Variants in ROBO2 observed in about 807,000 individuals in gnomAD.
ROBO2 encodes the protein roundabout guidance receptor 2, also known as roundabout homolog 2.
ROBO2 carries 53 observed loss-of-function variants against 160.8 expected under a neutral mutation model. The observed-to-expected ratio is 0.33, with a 90% confidence interval of 0.26 to 0.41. The LOEUF (loss-of-function observed/expected upper bound fraction) is 0.41, where lower values mean the gene tolerates loss of function less well. Ranked by LOEUF, ROBO2 falls within the 10% of genes least tolerant of loss-of-function variation. The pLI, the probability that ROBO2 is intolerant of heterozygous loss-of-function variation, is 1.00. For synonymous variants in ROBO2, 664 were observed against 611.7 expected (o/e 1.09, Z -1.26); for missense variants, 1,577 against 1,722.4 (o/e 0.92, Z 1.49).
chr3:76,585,438 A>T (rs942464994), intron 2 of ROBO2, among the ~76,000 whole-genome samples: 1 of 152,182 alleles, frequency 6.6e-6, no homozygotes, highest in Non-Finnish European at 1.5e-5. Context: ...TTTAGCCAGA[A>T]ACAGAATCAC....
At chr3:77,380,047 C>G (rs570244348) in intron 2 of ROBO2, among the ~76,000 whole-genome samples, 15 of 152,322 alleles carry the variant, frequency 9.8e-5, no homozygotes, top group Middle Eastern at 3.4e-3. Context: ...ACTTCTAAAG[C>G]ACTCTTTCTG....
intron 1 of ROBO2, among the ~76,000 whole-genome samples, chr3:77,061,836 A>G (rs1205487074): frequency 6.6e-6 from 1 of 152,188 alleles, no homozygotes; most frequent in Non-Finnish European, 1.5e-5. Flanking sequence ...TCTATGCAGG[A>G]CAGGAATACC....
chr3:76,546,621 C>A (rs955184692), intron 2 of ROBO2, among the ~76,000 whole-genome samples: 1 of 151,832 alleles, frequency 6.6e-6, no homozygotes, highest in Non-Finnish European at 1.5e-5. Context: ...AAATAGACCT[C>A]CAGAATTGTA....
At chr3:77,467,528 C>T (rs2082885147) in intron 2 of ROBO2, among the ~76,000 whole-genome samples, 2 of 152,072 alleles carry the variant, frequency 1.3e-5, no homozygotes, top group Non-Finnish European at 2.9e-5. Context: ...TTGTAATCAT[C>T]CTGTAAATGT....
rs376220196 is a variant in ROBO2, at chr3:76,874,110, C to T, written c.110-223904C>T. Reference sequence around the variant, plus strand: ...GTTGATTGACTAAGGAGATAAGTCACCCTGGGAATTTGAGAAAAGGAATTT... The same window carrying T: ...GTTGATTGACTAAGGAGATAAGTCATCCTGGGAATTTGAGAAAAGGAATTT... On this transcript the variant is annotated intron_variant, in intron 2 of 26. Coordinates refer to the ROBO2 transcript ENST00000487694. Among the ~76,000 whole-genome samples, 6 of 152,110 alleles carry T rather than the reference C, an allele frequency of 3.9e-5. No homozygotes were observed. In the East Asian group the frequency reaches 9.7e-4, roughly 25 times the overall value.
At chr3:76,176,970 C>A (rs2073254569) in intron 2 of ROBO2, among the ~76,000 whole-genome samples, 1 of 152,076 alleles carries the variant, frequency 6.6e-6, no homozygotes, top group South Asian at 2.1e-4. Flanking sequence ...AAGCTTTATT[C>A]TCTGTACTTT....
chr3:77,067,455 C>T (rs1244412122), intron 1 of ROBO2, among the ~76,000 whole-genome samples: 9 of 152,022 alleles, frequency 5.9e-5, no homozygotes, highest in Admixed American at 3.3e-4. Context: ...CCCTGTATAC[C>T]GAATTAGAAA....
intron 2 of ROBO2, among the ~76,000 whole-genome samples, chr3:77,324,555 G>A (rs983843113): frequency 3.3e-5 from 5 of 152,004 alleles, no homozygotes; most frequent in African/African-American, 7.2e-5. Context: ...CGAGGCGGGC[G>A]GATCACGAGG....
chr3:77,129,579 A>G (rs931547117), intron 2 of ROBO2, among the ~76,000 whole-genome samples: 3 of 152,210 alleles, frequency 2.0e-5, no homozygotes, highest in Non-Finnish European at 1.5e-5. Context: ...GGACAGGTGA[A>G]TATGGCAGAT....
chr3:76,921,391 C>G (rs970441811), intron 2 of ROBO2, among the ~76,000 whole-genome samples: 3 of 152,078 alleles, frequency 2.0e-5, no homozygotes, highest in African/African-American at 7.2e-5. Context: ...GCAGACGGAT[C>G]GCTTGAGGTC....
intron 2 of ROBO2, among the ~76,000 whole-genome samples, chr3:77,268,103 C>T (rs947832681): frequency 6.6e-6 from 1 of 152,120 alleles, no homozygotes; most frequent in Non-Finnish European, 1.5e-5. Flanking sequence ...TGAATTCTAT[C>T]GTTATATTCT....
At chr3:75,969,644 T>A (rs1256054616) in intron 2 of ROBO2, among the ~76,000 whole-genome samples, 1 of 151,676 alleles carries the variant, frequency 6.6e-6, no homozygotes, top group Non-Finnish European at 1.5e-5. Flanking sequence ...AACATTTTTC[T>A]GATTAGTGAT....
intron 2 of ROBO2, among the ~76,000 whole-genome samples, chr3:76,821,173 T>A (rs1206757842): frequency 6.6e-6 from 1 of 152,018 alleles, no homozygotes; most frequent in Non-Finnish European, 1.5e-5. Flanking sequence ...GTAATGTGGC[T>A]TCTATGTGCT....
chr3:77,111,906 A>C (rs553446048), intron 2 of ROBO2, among the ~76,000 whole-genome samples: 1 of 152,210 alleles, frequency 6.6e-6, no homozygotes, highest in Non-Finnish European at 1.5e-5. Context: ...ATTACAACTG[A>C]AATGTCACTA....
At chr3:76,128,688 A>T (rs537287678) in intron 2 of ROBO2, among the ~76,000 whole-genome samples, 11 of 152,092 alleles carry the variant, frequency 7.2e-5, no homozygotes, top group African/African-American at 2.7e-4. Flanking sequence ...AGAAATTTAC[A>T]TATGGCTTCT....
intron 5 of ROBO2, among the ~76,000 whole-genome samples, chr3:77,517,268 A>T: frequency 6.6e-6 from 1 of 151,542 alleles, no homozygotes; most frequent in East Asian, 1.9e-4. Context: ...AAATTCAAAA[A>T]GGGTCAGCCA....
intron 1 of ROBO2, among the ~76,000 whole-genome samples, chr3:77,057,425 T>A (rs190710550): frequency 6.6e-6 from 1 of 151,994 alleles, no homozygotes; most frequent in African/African-American, 2.4e-5. Context: ...CAAACCTGCA[T>A]GTTGTGCACA....
rs527597142 is a variant in ROBO2 at position 77,541,047 on chromosome 3, A to C, written c.935-5291A>C. Among the ~76,000 whole-genome samples, 354 of 152,334 alleles carry C rather than the reference A, an allele frequency of 2.3e-3. 3 individuals are homozygous for C. The highest frequency in any genetic ancestry group is 7.5e-3 in the African/African-American group (311 of 41,588). ...GTAAATATATGAAATAGCAAAAAAA[A>C]TTCTACTTGAGTTTGTCAAAAAATT... is the stretch of plus-strand genomic sequence containing the variant. On this transcript the variant is annotated intron_variant, in intron 6 of 25. Coordinates refer to ENST00000461745, the Ensembl canonical transcript of ROBO2.
At chr3:76,534,841 C>T (rs970418290) in intron 2 of ROBO2, among the ~76,000 whole-genome samples, 5 of 151,988 alleles carry the variant, frequency 3.3e-5, no homozygotes, top group African/African-American at 1.2e-4. Flanking sequence ...TGGTGACAAG[C>T]AGTCAGAGCA....
Sources: gnomAD v4.1 joint callset for allele counts (sites outside exome capture counted in the v4.1 genomes callset) on GRCh38, gnomAD v4.1.1 for gene constraint, MANE v1.5 for transcripts, NCBI Gene and HGNC (gene_info 2026-07-23, HGNC 2026-07-21) for gene names.